Variants in PLCL1 observed in about 807,000 individuals in gnomAD.
PLCL1 encodes inactive phospholipase C-like protein 1.
PLCL1 carries 41 observed loss-of-function variants against 84.4 expected under a neutral mutation model. The observed-to-expected ratio is 0.49, with a 90% CI of 0.38 to 0.63. PLCL1 has a LOEUF of 0.63. Ranked by LOEUF, PLCL1 falls within the 30% of genes least tolerant of loss-of-function variation. The probability of loss-of-function intolerance (pLI) is 0.00; values close to 1 mark genes in which losing one functional copy is unlikely to be tolerated. For missense variants in PLCL1, 1,206 were observed against 1,367.8 expected (o/e 0.88, Z 1.87); for synonymous variants, 490 against 488.3 (o/e 1.00, Z -0.05).
At chr2:197,868,666 A>G (rs1242240089) in intron 1 of PLCL1, among the ~76,000 whole-genome samples, 1 of 150,342 alleles carries the variant, frequency 6.7e-6, no homozygotes, top group Non-Finnish European at 1.5e-5. Context: ...TGCCTGGCTA[A>G]TTGAATTTTT....
rs182283965 is a variant in PLCL1 at position 197,818,830 on chromosome 2, T to C, written c.240+13491T>C. On this transcript the variant is annotated intron_variant, in intron 1 of 5. Coordinates refer to ENST00000428675, the MANE Select transcript of PLCL1 (RefSeq NM_006226.4). ...TCAGAGCCCCTGATGCTCTCCTGTT[T>C]GTGGAGAAAGAGGACACTGTAGAAG... is the stretch of plus-strand genomic sequence containing the variant. Among the ~76,000 whole-genome samples, 848 of 152,150 alleles carry C rather than the reference T, an allele frequency of 5.6e-3. 5 individuals carry two copies. Among genetic ancestry groups the C allele is most frequent in the African/African-American group, 0.02 (813 of 41,538 alleles).
chr2:197,857,073 A>G (rs1238660441), intron 1 of PLCL1, among the ~76,000 whole-genome samples: 1 of 152,168 alleles, frequency 6.6e-6, no homozygotes, highest in Non-Finnish European at 1.5e-5. Flanking sequence ...GCATCAAACC[A>G]CTGTGGCACA....
intron 1 of PLCL1, among the ~76,000 whole-genome samples, chr2:197,856,094 A>C (rs1687325892): frequency 6.6e-6 from 1 of 152,184 alleles, no homozygotes; most frequent in South Asian, 2.1e-4. Flanking sequence ...AACTTTAAGA[A>C]CATATCAGAC....
intron 5 of PLCL1, among the ~76,000 whole-genome samples, chr2:198,129,909 C>T (rs1301585882): frequency 1.3e-5 from 2 of 152,156 alleles, no homozygotes; most frequent in Non-Finnish European, 2.9e-5. Flanking sequence ...ACCACCTTGT[C>T]ACAAAATCTC....
intron 1 of PLCL1, among the ~76,000 whole-genome samples, chr2:198,018,674 T>C (rs1691058660): frequency 6.6e-6 from 1 of 152,166 alleles, no homozygotes; most frequent in African/African-American, 2.4e-5. Context: ...CCAGACTGCC[T>C]CTCTAGATTC....
At position 198,082,572 on chromosome 2, in the gene PLCL1, TG is replaced by T. The variant is rs370700922; in HGVS notation, c.241-1182del. ...ACGACTCTTTTGGAAAATTTGTTCC[TG>T]GGGCAATCACGTGAATTGGGATGTG... On this transcript the variant is annotated intron_variant, in intron 1 of 5. Transcript: ENST00000428675. Among the ~76,000 whole-genome samples the T allele has an allele frequency of 6.8e-4, 104 of 152,314 alleles. 3 individuals carry two copies. The South Asian group carries it at 0.013, about 20-fold the overall frequency.
At chr2:197,938,283 T>A (rs1284166908) in intron 1 of PLCL1, among the ~76,000 whole-genome samples, 1 of 152,202 alleles carries the variant, frequency 6.6e-6, no homozygotes, top group Non-Finnish European at 1.5e-5. Flanking sequence ...ATTGTCATAC[T>A]GTAGTATTCC....
chr2:197,951,540 G>A (rs1440479591), intron 1 of PLCL1, among the ~76,000 whole-genome samples: 2 of 152,160 alleles, frequency 1.3e-5, no homozygotes, highest in Non-Finnish European at 2.9e-5. Flanking sequence ...TGCTGCCAGA[G>A]GAGGAAGCCG....
At chr2:197,982,448 C>T (rs905931463) in intron 1 of PLCL1, among the ~76,000 whole-genome samples, 1 of 152,076 alleles carries the variant, frequency 6.6e-6, no homozygotes, top group East Asian at 1.9e-4. Context: ...CCTCCTCATG[C>T]TTTCTAAGAA....
intron 3 of PLCL1, among the ~76,000 whole-genome samples, chr2:198,094,696 A>G (rs1693147176): frequency 6.6e-6 from 1 of 152,142 alleles, no homozygotes; most frequent in Non-Finnish European, 1.5e-5. Context: ...AATTTAGCAG[A>G]TCCTGTTCTA....
intron 1 of PLCL1, among the ~76,000 whole-genome samples, chr2:197,962,495 G>T (rs1689644093): frequency 6.6e-6 from 1 of 151,688 alleles, no homozygotes; most frequent in African/African-American, 2.4e-5. Flanking sequence ...ATATTTATGG[G>T]GTACTTGAGA....
chr2:197,935,274 A>G (rs1274880021), intron 1 of PLCL1, among the ~76,000 whole-genome samples: 1 of 152,188 alleles, frequency 6.6e-6, no homozygotes, highest in Non-Finnish European at 1.5e-5. Context: ...GTATACACCC[A>G]AAGGAATATA....
chr2:198,112,351 A>G lies in PLCL1; in HGVS notation c.3105+8415A>G, dbSNP rs375435234. Among the ~76,000 whole-genome samples, 11 of 151,824 alleles carry G rather than the reference A, an allele frequency of 7.2e-5. No individual in the cohort carries two copies. In the East Asian group the frequency reaches 9.8e-4, roughly 13 times the overall value. ...ACCAAAGCAGAAGACCAGACCCAGG[A>G]CCCCTGAGAGCCCAGCCAGCCTCCT... On this transcript the variant is annotated intron_variant, in intron 5 of 5. Coordinates refer to ENST00000428675, the MANE Select transcript of PLCL1 (RefSeq NM_006226.4).
chr2:197,858,216 C>T (rs1687364328), intron 1 of PLCL1, among the ~76,000 whole-genome samples: 1 of 152,154 alleles, frequency 6.6e-6, no homozygotes, highest in African/African-American at 2.4e-5. Flanking sequence ...AACAAAGGGA[C>T]CTGAGCTCAA....
chr2:198,025,257 A>G (rs1391545191), intron 1 of PLCL1, among the ~76,000 whole-genome samples: 1 of 152,106 alleles, frequency 6.6e-6, no homozygotes, highest in Non-Finnish European at 1.5e-5. Context: ...ATTTCTTTTT[A>G]AAAGCATAAG....
chr2:197,978,093 A>G (rs1690024520), intron 1 of PLCL1, among the ~76,000 whole-genome samples: 2 of 152,192 alleles, frequency 1.3e-5, no homozygotes, highest in Non-Finnish European at 1.5e-5. Flanking sequence ...GATATTTTTT[A>G]TTGTAGAGTA....
intron 1 of PLCL1, among the ~76,000 whole-genome samples, chr2:197,868,867 T>C (rs1276651600): frequency 6.6e-6 from 1 of 152,038 alleles, no homozygotes; most frequent in Non-Finnish European, 1.5e-5. Context: ...TCCTGGTTAG[T>C]AGCAAACAAG....
rs541983270 is a variant in PLCL1, at chr2:198,101,319, C to T, written c.2954C>T (p.Ala985Val). Residue 985 changes from alanine to valine, a missense_variant, in exon 4 of 6, where the codon GCG (alanine) becomes GTG (valine). Transcript: ENST00000428675. ...IQESRFLIEM[A>V]DTVQEKIVQC... The stretch of plus-strand genomic sequence containing the variant: ...GAGAGCCGGTTTCTCATAGAAATGG[C>T]GGACACAGTCCAGGAAAAGATTGTA... The T allele has an allele frequency of 1.5e-4, 245 of 1,598,086 alleles. No individual in the cohort carries two copies. The highest frequency in any genetic ancestry group is 2.2e-4 in the East Asian group (10 of 44,628).
intron 1 of PLCL1, among the ~76,000 whole-genome samples, chr2:197,814,510 C>A (rs1475213112): frequency 6.6e-6 from 1 of 152,118 alleles, no homozygotes; most frequent in Non-Finnish European, 1.5e-5. Flanking sequence ...CTTTGAGACA[C>A]AACAATATTG....
Sources: gnomAD v4.1 joint callset for allele counts (sites outside exome capture counted in the v4.1 genomes callset) on GRCh38, gnomAD v4.1.1 for gene constraint, MANE v1.5 for transcripts, NCBI Gene and HGNC (gene_info 2026-07-23, HGNC 2026-07-21) for gene names.